The following CYP2C18 variants were observed in gnomAD, a reference collection of about 807,000 sequenced individuals.
CYP2C18 encodes the protein cytochrome P450 2C18.
CYP2C18 carries 38 observed loss-of-function variants against 41.3 expected under a neutral mutation model. The ratio of observed to expected loss-of-function variants is 0.92; its 90% CI spans 0.71 to 1.21. CYP2C18 has a LOEUF of 1.21. Among genes scored for constraint, CYP2C18 ranks in the 50% most tolerant of loss-of-function variants. The probability of loss-of-function intolerance (pLI) is 0.00; values close to 1 mark genes in which losing one functional copy is unlikely to be tolerated. For synonymous variants in CYP2C18, 236 were observed against 210.0 expected (o/e 1.12, Z -1.07); for missense variants, 635 against 591.4 (o/e 1.07, Z -0.77).
intron 5 of CYP2C18, among the ~76,000 whole-genome samples, chr10:94,710,301 G>C (rs756893463): frequency 6.6e-6 from 1 of 152,190 alleles, no homozygotes; most frequent in Non-Finnish European, 1.5e-5. Flanking sequence ...TTTGAAATTG[G>C]AAAGTGTCAG....
rs556757426 is a variant in CYP2C18 at position 94,688,038 on chromosome 10, C to A, written c.332-87C>A. 1.4e-5 allele frequency: 23 copies of A among 1,601,608 alleles called. No homozygotes were observed. The South Asian group carries it at 2.2e-4, about 16-fold the overall frequency. ...GGCTTGAAGAGCTCCTGGGACAGAA[C>A]TTGACCTGTCCACGTGGCTGCCGAG... On this transcript the variant is annotated intron_variant, in intron 2 of 8. Transcript: ENST00000285979.
chr10:94,728,616 AT>A, intron 7 of CYP2C18: 1 of 976,872 alleles, frequency 1.0e-6, no homozygotes. Context: ...AACATATAGC[AT>A]TTCTGTGATC....
intron 3 of CYP2C18, 63 bp from the exon 4 acceptor site, chr10:94,694,854 T>C: frequency 6.5e-7 from 1 of 1,542,780 alleles, no homozygotes; most frequent in African/African-American, 1.4e-5. Flanking sequence ...TTTTCCTGTA[T>C]CAAAGACAAA....
In CYP2C18 at chr10:94,724,342, T is replaced by C; in HGVS notation, c.962-4T>C. On this transcript the variant is annotated splice_region_variant and splice_polypyrimidine_tract_variant and intron_variant, in intron 6 of 8. Transcript: ENST00000285979. Reference sequence around the variant, plus strand: ...TCCATCATTTCTTACTTGTGTCTTATCAGCTAAAGTCCAGGAAGAGATTGA... The same window carrying C: ...TCCATCATTTCTTACTTGTGTCTTACCAGCTAAAGTCCAGGAAGAGATTGA... 6.2e-7 allele frequency: 1 copy of C among 1,613,100 alleles called. No homozygotes were observed. The highest frequency in any genetic ancestry group is 8.5e-7 in the Non-Finnish European group (1 of 1,179,386).
intron 7 of CYP2C18, among the ~76,000 whole-genome samples, chr10:94,732,141 A>G (rs1847844537): frequency 1.3e-5 from 2 of 152,162 alleles, no homozygotes; most frequent in South Asian, 4.1e-4. Flanking sequence ...ACAGAAAACA[A>G]ATAATGCCAT....
At chr10:94,711,868 A>G (rs560639314) in intron 5 of CYP2C18, among the ~76,000 whole-genome samples, 2 of 151,830 alleles carry the variant, frequency 1.3e-5, no homozygotes, top group East Asian at 3.9e-4. Context: ...TAGAGGCAGA[A>G]TCTTGCCCCA....
intron 4 of CYP2C18, among the ~76,000 whole-genome samples, chr10:94,702,977 TAACA>T (rs1847272545): frequency 6.6e-6 from 1 of 152,198 alleles, no homozygotes; most frequent in African/African-American, 2.4e-5. Context: ...GTTTTCCTCC[TAACA>T]GTCAGGCCCC....
At chr10:94,729,562 A>G (rs34777815) in intron 7 of CYP2C18, among the ~76,000 whole-genome samples, 26,853 of 151,968 alleles carry the variant, frequency 0.18, 2,607 homozygotes, top group South Asian at 0.33. Context: ...AAACAAAAAC[A>G]AAAAAAACCA....
chr10:94,698,985 T>G (rs1847178283), intron 4 of CYP2C18, among the ~76,000 whole-genome samples: 2 of 152,170 alleles, frequency 1.3e-5, no homozygotes, highest in East Asian at 3.8e-4. Flanking sequence ...AGGCAATAGT[T>G]AATAACTTAC....
In CYP2C18 at chr10:94,688,165, G is replaced by C. The variant is rs1252596055; in HGVS notation, c.372G>C (p.Arg124=). The C allele has an allele frequency of 6.2e-7, 1 of 1,613,622 alleles. No homozygotes were observed. Among genetic ancestry groups the C allele is most frequent in the Non-Finnish European group, 8.5e-7 (1 of 1,179,810 alleles). The change falls in exon 3 of 9, where the codon CGG becomes CGC. Residue 124 remains arginine, a synonymous_variant. Coordinates refer to ENST00000285979, the MANE Select transcript of CYP2C18 (RefSeq NM_000772.3). ...FSNGKRWKEI[R]RFCLMTLRNF... ...ATGGAAAGAGATGGAAGGAGATCCG[G>C]CGTTTCTGCCTCATGACTCTGCGGA... is the stretch of plus-strand genomic sequence containing the variant.
intron 1 of CYP2C18, among the ~76,000 whole-genome samples, 197 bp downstream of exon 1, chr10:94,684,184 C>T (rs1282272851): frequency 6.6e-6 from 1 of 152,052 alleles, no homozygotes; most frequent in Non-Finnish European, 1.5e-5. Flanking sequence ...AAATATTTGT[C>T]ATTTCTTTGT....
At chr10:94,713,309 C>G (rs900595822) in intron 5 of CYP2C18, among the ~76,000 whole-genome samples, 2 of 152,008 alleles carry the variant, frequency 1.3e-5, no homozygotes, top group Non-Finnish European at 2.9e-5. Flanking sequence ...TTAGGTATAT[C>G]TCTTAATGCT....
chr10:94,713,291 C>A (rs942563426), intron 5 of CYP2C18, among the ~76,000 whole-genome samples: 1 of 152,014 alleles, frequency 6.6e-6, no homozygotes, highest in East Asian at 1.9e-4. Flanking sequence ...ATTAACTCAT[C>A]ATTTACATTA....
chr10:94,712,671 G>A (rs1171465106), intron 5 of CYP2C18, among the ~76,000 whole-genome samples: 2 of 152,108 alleles, frequency 1.3e-5, no homozygotes, highest in African/African-American at 2.4e-5. Context: ...ACATTGCTTT[G>A]ACATACTGAT....
chr10:94,710,260 G>A (rs927442470), intron 5 of CYP2C18, among the ~76,000 whole-genome samples: 4 of 152,300 alleles, frequency 2.6e-5, no homozygotes, highest in Admixed American at 1.3e-4. Flanking sequence ...AGTGAACCAC[G>A]CACCTGGGTG....
intron 3 of CYP2C18, among the ~76,000 whole-genome samples, chr10:94,688,608 G>T (rs2134174778): frequency 6.6e-6 from 1 of 152,252 alleles, no homozygotes; most frequent in Non-Finnish European, 1.5e-5. Flanking sequence ...TCATATGGAG[G>T]GTGGAGGTTT....
At chr10:94,711,191 G>A (rs1589800678) in intron 5 of CYP2C18, among the ~76,000 whole-genome samples, 1 of 152,142 alleles carries the variant, frequency 6.6e-6, no homozygotes, top group East Asian at 1.9e-4. Context: ...CTGTCTTCAT[G>A]TCTGTAGTGT....
chr10:94,725,442 T>C (rs970490880), intron 7 of CYP2C18, among the ~76,000 whole-genome samples: 1 of 152,100 alleles, frequency 6.6e-6, no homozygotes, highest in African/African-American at 2.4e-5. Flanking sequence ...ATTTTTCAAT[T>C]CTTATAACTC....
At chr10:94,704,432 G>T (rs568553866) in intron 4 of CYP2C18, among the ~76,000 whole-genome samples, 1 of 151,188 alleles carries the variant, frequency 6.6e-6, no homozygotes, top group East Asian at 1.9e-4. Context: ...CGTATGTTCA[G>T]CTAATTTTGA....
Sources: allele counts gnomAD v4.1 joint callset (sites outside exome capture counted in the v4.1 genomes callset), GRCh38; gene constraint gnomAD v4.1.1; transcripts MANE v1.5; gene names NCBI Gene and HGNC (gene_info 2026-07-23, HGNC 2026-07-21).